The following PRKN variants were observed in gnomAD, a reference collection of about 807,000 sequenced individuals.
PRKN encodes parkin RBR E3 ubiquitin protein ligase, also known as E3 ubiquitin-protein ligase parkin.
In PRKN, 56 loss-of-function variants were observed where a neutral mutation model predicts 59.5. The ratio of observed to expected loss-of-function variants is 0.94; its 90% confidence interval spans 0.76 to 1.18. PRKN has a LOEUF of 1.18. Ranked by LOEUF, PRKN falls within the 50% of genes most tolerant of loss-of-function variation. PRKN has a pLI of 0.00. For missense variants in PRKN, 657 were observed against 596.4 expected (o/e 1.10, Z -1.06); for synonymous variants, 250 against 222.1 (o/e 1.13, Z -1.12).
At chr6:162,547,830 C>T (rs1779177758) in intron 1 of PRKN, among the ~76,000 whole-genome samples, 1 of 152,032 alleles carries the variant, frequency 6.6e-6, no homozygotes, top group Non-Finnish European at 1.5e-5. Flanking sequence ...GATACATCCA[C>T]TTTAGCCTCC....
At chr6:161,954,183 A>G (rs75853104) in intron 6 of PRKN, among the ~76,000 whole-genome samples, 3,151 of 152,290 alleles carry the variant, frequency 0.021, 105 homozygotes, top group African/African-American at 0.072. Context: ...GCTGAAACGT[A>G]GCTTCTATAA....
rs9458256 is a variant in PRKN, at chr6:161,442,909, G to A, written c.1084-56032C>T. ...TCTCACTTACTGCCAATGTGTCCACGCTGCTCCTCAGGCAAGCCATTCTCC... is the reference window on the plus strand; with the variant it reads ...TCTCACTTACTGCCAATGTGTCCACACTGCTCCTCAGGCAAGCCATTCTCC... On this transcript the variant is annotated intron_variant, in intron 9 of 11. Coordinates refer to ENST00000366898, the MANE Select transcript of PRKN (RefSeq NM_004562.3). The surrounding 1 kb of genome is among the most constrained non-coding windows in gnomAD (Gnocchi z 4.6). Among the ~76,000 whole-genome samples the A allele has an allele frequency of 6.5e-4, 99 of 152,100 alleles. No homozygotes were observed. Among genetic ancestry groups the A allele is most frequent in the Admixed American group, 7.9e-4 (12 of 15,280 alleles).
At chr6:162,473,676 T>G (rs1011466925) in intron 1 of PRKN, among the ~76,000 whole-genome samples, 1 of 152,146 alleles carries the variant, frequency 6.6e-6, no homozygotes, top group Non-Finnish European at 1.5e-5. Flanking sequence ...GTACCAAGTT[T>G]TTGAAATTGG....
chr6:161,599,747 A>T (rs548785237), intron 7 of PRKN, among the ~76,000 whole-genome samples: 1 of 152,242 alleles, frequency 6.6e-6, no homozygotes, highest in South Asian at 2.1e-4. Flanking sequence ...TAACATAATG[A>T]TCTCTCGCTA....
intron 1 of PRKN, among the ~76,000 whole-genome samples, chr6:162,542,883 G>A (rs544665617): frequency 3.3e-5 from 5 of 152,130 alleles, no homozygotes; most frequent in South Asian, 4.1e-4. Context: ...CTTCTGTAGC[G>A]GGGGGCTCAC....
At chr6:162,563,486 A>C (rs1227799125) in intron 1 of PRKN, among the ~76,000 whole-genome samples, 1 of 152,216 alleles carries the variant, frequency 6.6e-6, no homozygotes, top group African/African-American at 2.4e-5. Context: ...AAGTAGATAC[A>C]GCTTAGATCA....
At chr6:162,046,823 A>G (rs1205312574) in intron 5 of PRKN, among the ~76,000 whole-genome samples, 2 of 152,156 alleles carry the variant, frequency 1.3e-5, no homozygotes, top group African/African-American at 4.8e-5. Flanking sequence ...TTTCATATAC[A>G]AACGAAATTT....
chr6:161,867,359 A>C (rs1794152366), intron 6 of PRKN, among the ~76,000 whole-genome samples: 1 of 152,232 alleles, frequency 6.6e-6, no homozygotes, highest in Non-Finnish European at 1.5e-5. Flanking sequence ...TGAATTTCAT[A>C]TAATTTTCAT....
At chr6:162,166,047 C>CAAAAAA (rs10557222) in intron 4 of PRKN, among the ~76,000 whole-genome samples, 2 of 80,192 alleles carry the variant, frequency 2.5e-5, no homozygotes, top group African/African-American at 5.1e-5. Flanking sequence ...GACTCTATCT[C>CAAAAAA]AAAAAAAAAA....
At chr6:161,623,866 AC>A (rs558881819) in intron 7 of PRKN, among the ~76,000 whole-genome samples, 146 of 152,326 alleles carry the variant, frequency 9.6e-4, no homozygotes, top group South Asian at 3.5e-3. Flanking sequence ...ACATTTGGTT[AC>A]GGTTAAAAGA....
At chr6:161,693,126 A>G (rs1311941462) in intron 7 of PRKN, among the ~76,000 whole-genome samples, 1 of 152,158 alleles carries the variant, frequency 6.6e-6, no homozygotes, top group Non-Finnish European at 1.5e-5. Context: ...CATAAACATA[A>G]AAAGGAGATA....
chr6:161,665,789 A>G (rs554434522), intron 7 of PRKN, among the ~76,000 whole-genome samples: 1 of 152,346 alleles, frequency 6.6e-6, no homozygotes, highest in African/African-American at 2.4e-5. Context: ...TAAGTCTTAT[A>G]TGAACGCCCA....
chr6:161,712,249 A>T (rs184496133), intron 7 of PRKN, among the ~76,000 whole-genome samples: 1 of 152,204 alleles, frequency 6.6e-6, no homozygotes. Context: ...TAATGGAGTC[A>T]CTACTGACAC....
chr6:162,199,208 C>T (rs1239830449), intron 4 of PRKN, among the ~76,000 whole-genome samples: 3 of 136,962 alleles, frequency 2.2e-5, no homozygotes, highest in Non-Finnish European at 4.8e-5. Context: ...GTAATTATAT[C>T]TGTGTGTTAA....
At chr6:161,863,744 T>C (rs1266382384) in intron 6 of PRKN, among the ~76,000 whole-genome samples, 1 of 152,128 alleles carries the variant, frequency 6.6e-6, no homozygotes, top group Non-Finnish European at 1.5e-5. Flanking sequence ...CTTTTAACAC[T>C]TTAAGGTATA....
At chr6:162,531,940 CAAA>C (rs35097200) in intron 1 of PRKN, among the ~76,000 whole-genome samples, 323 of 106,442 alleles carry the variant, frequency 3.0e-3, no homozygotes, top group African/African-American at 0.012. Flanking sequence ...ACTCTGACTC[CAAA>C]AAAAAAAAAA....
chr6:161,349,909 A>G lies in PRKN; in HGVS notation c.*190T>C, dbSNP rs987924109. On this transcript the variant is annotated 3_prime_UTR_variant, in exon 12 of 12. Coordinates refer to ENST00000366898, the MANE Select transcript of PRKN (RefSeq NM_004562.3). This position sits in a 1 kb window ranked among gnomAD's most constrained non-coding sequence, Gnocchi z 5.5. Reference sequence around the variant, plus strand: ...CTGTAATTTTACTCTGCTGTTTTTCATGGACATAGTGAAAGGGATCCAGGA... The same window carrying G: ...CTGTAATTTTACTCTGCTGTTTTTCGTGGACATAGTGAAAGGGATCCAGGA... 2.4e-5 allele frequency: 15 copies of G among 633,886 alleles called. No homozygotes were observed. The highest frequency in any genetic ancestry group is 4.0e-5 in the Non-Finnish European group (14 of 347,990). 39.3% of individuals were successfully genotyped at this position (633,886 alleles called of 1,614,324 possible).
At chr6:162,118,071 G>A (rs1026274136) in intron 4 of PRKN, among the ~76,000 whole-genome samples, 3 of 151,966 alleles carry the variant, frequency 2.0e-5, no homozygotes, top group Non-Finnish European at 4.4e-5. Context: ...ACTCCAGTCT[G>A]GGCGACAAGA....
intron 1 of PRKN, among the ~76,000 whole-genome samples, chr6:162,616,539 C>A (rs866833467): frequency 6.6e-6 from 1 of 152,250 alleles, no homozygotes; most frequent in South Asian, 2.1e-4. Context: ...GATACCCCCC[C>A]GTAATATAAC....
Sources: allele counts gnomAD v4.1 joint callset (sites outside exome capture counted in the v4.1 genomes callset), GRCh38; gene constraint gnomAD v4.1.1; non-coding constraint Gnocchi (gnomAD v3.1); transcripts MANE v1.5; gene names NCBI Gene and HGNC (gene_info 2026-07-23, HGNC 2026-07-21).